The following TAOK3 variants were observed in gnomAD, a reference collection of about 807,000 sequenced individuals.
TAOK3 encodes the protein serine/threonine-protein kinase TAO3.
Under a neutral mutation model 120.4 loss-of-function variants are expected in TAOK3, and 40 were observed. That is an observed-to-expected ratio of 0.33 (90% CI 0.26 to 0.43). The LOEUF (loss-of-function observed/expected upper bound fraction) is 0.43. TAOK3 is among the 20% of genes least tolerant of loss of function. TAOK3 has a pLI of 1.00. For synonymous variants in TAOK3, 355 were observed against 387.5 expected, an observed-to-expected ratio of 0.92 and a Z score of 0.99; for missense variants, 821 against 1,112.1, an observed-to-expected ratio of 0.74 and a Z score of 3.72.
intron 1 of TAOK3, among the ~76,000 whole-genome samples, chr12:118,312,613 A>T (rs1478303929): frequency 6.6e-6 from 1 of 152,230 alleles, no homozygotes; most frequent in Non-Finnish European, 1.5e-5. Flanking sequence ...TTATTCACAA[A>T]ATCCACAAAA....
chr12:118,362,147 C>T (rs1229034671), intron 1 of TAOK3, among the ~76,000 whole-genome samples: 2 of 152,054 alleles, frequency 1.3e-5, no homozygotes, highest in Admixed American at 6.6e-5. Context: ...CTGCTAGGCA[C>T]TGTTCTATGA....
At chr12:118,301,638 G>C (rs146814804) in intron 1 of TAOK3, among the ~76,000 whole-genome samples, 4,952 of 152,162 alleles carry the variant, frequency 0.033, 139 homozygotes, top group Non-Finnish European at 0.049. Context: ...GAGGTCAGGA[G>C]TTCAAGATCA....
intron 16 of TAOK3, among the ~76,000 whole-genome samples, chr12:118,175,900 T>C (rs1338401822): frequency 1.3e-5 from 2 of 152,160 alleles, no homozygotes; most frequent in African/African-American, 4.8e-5. Flanking sequence ...AACCAAATAT[T>C]CCAGAATCAA....
rs1555210486 is a variant in TAOK3 at position 118,166,839 on chromosome 12, C to CACACAT, written c.1900-4813_1900-4812insATGTGT. ...GTATATATATATATACACACACACA[C>CACACAT]ACACACATACACACACACACACACA... On this transcript the variant is annotated intron_variant, in intron 17 of 20. Transcript: ENST00000392533. Among the ~76,000 whole-genome samples the CACACAT allele has an allele frequency of 2.4e-3, 299 of 125,750 alleles. 2 individuals carry two copies. The highest frequency in any genetic ancestry group is 5.4e-3 in the African/African-American group (178 of 32,934). 82.5% of individuals were successfully genotyped at this position (125,750 alleles called of 152,430 possible). A position where few individuals can be genotyped will look rare whatever the true frequency, so the allele number is the denominator to read the frequency against.
chr12:118,207,030 T>TA (rs1164451365), intron 11 of TAOK3, among the ~76,000 whole-genome samples: 1 of 151,632 alleles, frequency 6.6e-6, no homozygotes, highest in African/African-American at 2.4e-5. Context: ...GAAAAATGTA[T>TA]AAAAAAAGAA....
chr12:118,289,259 G>A (rs1353742234), intron 1 of TAOK3, among the ~76,000 whole-genome samples: 3 of 134,466 alleles, frequency 2.2e-5, no homozygotes, highest in South Asian at 4.5e-4. Flanking sequence ...AGATTGCGCC[G>A]CTGCACTCAA....
chr12:118,264,205 A>G (rs1245069876), intron 2 of TAOK3, among the ~76,000 whole-genome samples: 1 of 152,236 alleles, frequency 6.6e-6, no homozygotes, highest in Non-Finnish European at 1.5e-5. Context: ...TACACCTATC[A>G]TATGATGTAG....
Position 118,160,310 on chromosome 12 carries a change from G to C in TAOK3, c.2188C>G (p.Gln730Glu). 6.2e-7 allele frequency: 1 copy of C among 1,614,142 alleles called. No individual in the cohort carries two copies. Among genetic ancestry groups the C allele is most frequent in the Non-Finnish European group, 8.5e-7 (1 of 1,180,010 alleles). ...KKQFQDTCKV[Q>E]TKQYKALKNH... ...TTGAGTGCTTTATACTGTTTGGTCTGTACTTTGCAAGTGTCCTGAAACTGT... is the reference window on the plus strand; with the variant it reads ...TTGAGTGCTTTATACTGTTTGGTCTCTACTTTGCAAGTGTCCTGAAACTGT... The change falls in exon 19 of 21, where the codon CAG becomes GAG. Residue 730 changes from glutamine to glutamate, a missense_variant. By Grantham distance (29) the Gln-to-Glu change is conservative (BLOSUM62 2). Around this residue, in one of 2 missense-constraint regions of TAOK3, gnomAD observed 354 missense variants for 572.1 expected, o/e 0.62. Transcript: ENST00000392533. The surrounding 1 kb of genome is among the most constrained non-coding windows in gnomAD (Gnocchi z 4.2).
chr12:118,291,149 C>G (rs950478735), intron 1 of TAOK3, among the ~76,000 whole-genome samples: 4 of 151,212 alleles, frequency 2.6e-5, no homozygotes, highest in Non-Finnish European at 5.9e-5. Flanking sequence ...AGCCACCGCG[C>G]CCGGCCGGGT....
At chr12:118,321,851 A>C (rs1032918420) in intron 1 of TAOK3, among the ~76,000 whole-genome samples, 5 of 151,786 alleles carry the variant, frequency 3.3e-5, no homozygotes, top group African/African-American at 1.2e-4. Context: ...TTTGAGACGG[A>C]GTCTCACTGT....
intron 1 of TAOK3, chr12:118,359,783 A>G (rs1242469765): frequency 2.6e-5 from 4 of 152,122 alleles, no homozygotes; most frequent in Admixed American, 2.6e-4. Flanking sequence ...TCCTTTTGTA[A>G]GAGATCCACT....
intron 3 of TAOK3, among the ~76,000 whole-genome samples, chr12:118,245,653 G>GT (rs768639785): frequency 5.9e-5 from 9 of 152,082 alleles, no homozygotes; most frequent in Non-Finnish European, 1.2e-4. Context: ...CCATACTGCA[G>GT]TATCACAGTT....
intron 1 of TAOK3, among the ~76,000 whole-genome samples, chr12:118,358,487 C>A (rs2045481727): frequency 6.6e-6 from 1 of 152,140 alleles, no homozygotes; most frequent in Non-Finnish European, 1.5e-5. Flanking sequence ...GAATAGTGTG[C>A]CACTTGGAGT....
At chr12:118,169,348 ACT>A (rs1448329264) in intron 17 of TAOK3, among the ~76,000 whole-genome samples, 1 of 93,230 alleles carries the variant, frequency 1.1e-5, no homozygotes, top group Non-Finnish European at 2.0e-5. Flanking sequence ...AGACAGTCTC[ACT>A]CTGTCATCCA....
Position 118,172,533 on chromosome 12 carries a change from T to C in TAOK3, c.1823A>G (p.Tyr608Cys), listed in dbSNP as rs2036063877. ...CTTGAAGAAACGACAATTTTTGTCG[T>C]AGTACAGTCTCTGTTGAGTGAGAAG... Reference protein sequence around the residue: ...AHLLTQQRLYYDKNCRFFKRK... With the variant: ...AHLLTQQRLYCDKNCRFFKRK... The change falls in exon 17 of 21, where the codon TAC (tyrosine) becomes TGC (cysteine). Residue 608 changes from tyrosine to cysteine, a missense_variant. This residue lies in a region of TAOK3 where 354 missense variants were observed against 572.1 expected (regional missense o/e 0.62). Coordinates refer to ENST00000392533, the MANE Select transcript of TAOK3 (RefSeq NM_016281.4). 1.2e-6 allele frequency: 2 copies of C among 1,614,126 alleles called. No individual in the cohort carries two copies. Among genetic ancestry groups the C allele is most frequent in the African/African-American group, 1.3e-5 (1 of 75,036 alleles).
At chr12:118,206,689 C>A (rs1020349163) in intron 11 of TAOK3, among the ~76,000 whole-genome samples, 1 of 151,998 alleles carries the variant, frequency 6.6e-6, no homozygotes, top group Non-Finnish European at 1.5e-5. Context: ...CTCCACCTCC[C>A]GGGTTCAAGC....
At chr12:118,265,394 G>GAAAAAA (rs35810306) in intron 2 of TAOK3, among the ~76,000 whole-genome samples, 2 of 68,600 alleles carry the variant, frequency 2.9e-5, no homozygotes, top group Non-Finnish European at 2.9e-5. Flanking sequence ...GTCTCAGGAA[G>GAAAAAA]AAAAAAAAAA....
chr12:118,164,313 C>T (rs1001485363), intron 17 of TAOK3, among the ~76,000 whole-genome samples: 3 of 149,882 alleles, frequency 2.0e-5, no homozygotes, highest in East Asian at 4.1e-4. Flanking sequence ...GGGGACAGAG[C>T]GAGACTCCGT....
At chr12:118,240,590 C>T (rs1373475171) in intron 5 of TAOK3, among the ~76,000 whole-genome samples, 1 of 151,978 alleles carries the variant, frequency 6.6e-6, no homozygotes, top group East Asian at 1.9e-4. Context: ...GTGATCCACC[C>T]ACCTAGGCCT....
Sources: allele counts gnomAD v4.1 joint callset (sites outside exome capture counted in the v4.1 genomes callset), GRCh38; gene constraint gnomAD v4.1.1; regional missense constraint gnomAD v4.1.1; non-coding constraint Gnocchi (gnomAD v3.1); transcripts MANE v1.5; gene names NCBI Gene and HGNC (gene_info 2026-07-23, HGNC 2026-07-21).